HMG20A: variants seen among roughly 807,000 people sequenced by gnomAD.
HMG20A encodes the protein high mobility group protein 20A.
Under a neutral mutation model 43.9 loss-of-function variants are expected in HMG20A, and 17 were observed. That is an observed-to-expected ratio of 0.39 (90% CI 0.27 to 0.58). The LOEUF is 0.58. HMG20A is among the 20% of genes least tolerant of loss of function. HMG20A has a pLI of 0.59. For synonymous variants in HMG20A, 132 were observed against 147.5 expected (o/e 0.89, Z 0.76); for missense variants, 341 against 438.2 (o/e 0.78, Z 1.98).
At chr15:77,430,612 C>T (rs2073474564) in intron 1 of HMG20A, among the ~76,000 whole-genome samples, 1 of 152,156 alleles carries the variant, frequency 6.6e-6, no homozygotes, top group African/African-American at 2.4e-5. Context: ...AGCAGAGAAG[C>T]TGTTAGTTTT....
At chr15:77,424,530 C>G (rs1024253512) in intron 1 of HMG20A, among the ~76,000 whole-genome samples, 6 of 152,150 alleles carry the variant, frequency 3.9e-5, no homozygotes, top group Admixed American at 6.6e-5. Context: ...TGCCTGGTGC[C>G]AGAAGCTTCA....
chr15:77,471,053 C>A lies in HMG20A; in HGVS notation c.583+11C>A. Reference sequence around the variant, plus strand: ...AATCTCATAGGCAAGGTATCAAAACCAGAACCAAATGTATTTGTAGTTTGT... The same window carrying A: ...AATCTCATAGGCAAGGTATCAAAACAAGAACCAAATGTATTTGTAGTTTGT... On this transcript the variant is annotated intron_variant, in intron 5 of 9. Coordinates refer to ENST00000336216, the MANE Select transcript of HMG20A (RefSeq NM_001304504.2). 6.2e-7 allele frequency: 1 copy of A among 1,605,926 alleles called. No homozygotes were observed. The highest frequency in any genetic ancestry group is 1.1e-5 in the South Asian group (1 of 89,488).
At chr15:77,465,810 A>G (rs1436975771) in intron 3 of HMG20A, among the ~76,000 whole-genome samples, 2 of 152,370 alleles carry the variant, frequency 1.3e-5, no homozygotes, top group South Asian at 2.1e-4. Context: ...GAGTACTACA[A>G]TTAGTATTTA....
intron 2 of HMG20A, among the ~76,000 whole-genome samples, chr15:77,463,804 C>T (rs114679725): frequency 4.5e-4 from 69 of 152,330 alleles, no homozygotes; most frequent in African/African-American, 1.6e-3. Flanking sequence ...ATTTTTCTTA[C>T]ACCCTTTAAG....
chr15:77,490,895 C>T, the HMG20A span, among the ~76,000 whole-genome samples: 8 of 152,198 alleles, frequency 5.3e-5, no homozygotes, highest in Admixed American at 1.3e-4. Context: ...TCTGTGGTTC[C>T]TTGAGATTCT....
At chr15:77,472,329 C>T (rs2072816938) in intron 6 of HMG20A, among the ~76,000 whole-genome samples, 1 of 152,200 alleles carries the variant, frequency 6.6e-6, no homozygotes, top group African/African-American at 2.4e-5. Flanking sequence ...GGCTGGAGTG[C>T]AGTGGCACAA....
At chr15:77,428,954 C>G (rs2073454805) in intron 1 of HMG20A, among the ~76,000 whole-genome samples, 1 of 147,540 alleles carries the variant, frequency 6.8e-6, no homozygotes, top group Admixed American at 6.8e-5. Context: ...CAGAGCAAGA[C>G]TCTGTCTCAA....
At chr15:77,509,193 G>A in the HMG20A span, among the ~76,000 whole-genome samples, 4 of 152,140 alleles carry the variant, frequency 2.6e-5, no homozygotes, top group South Asian at 6.2e-4. Flanking sequence ...GGAGTCAAGG[G>A]ATGGCAGTCC....
the HMG20A span, among the ~76,000 whole-genome samples, chr15:77,506,044 AC>A: frequency 5.7e-3 from 649 of 113,954 alleles, 7 homozygotes; most frequent in African/African-American, 0.021. Context: ...TAGGATTTCT[AC>A]CCCCCCACCT....
intron 4 of HMG20A, 131 bp from the exon 5 acceptor site, chr15:77,470,779 T>G: frequency 1.4e-6 from 1 of 722,248 alleles, no homozygotes; most frequent in Non-Finnish European, 2.1e-6. Context: ...TTTCTGATTC[T>G]TTTTTAAGGC....
At chr15:77,517,869 T>C in the HMG20A span, among the ~76,000 whole-genome samples, 1 of 152,064 alleles carries the variant, frequency 6.6e-6, no homozygotes, top group Non-Finnish European at 1.5e-5. Flanking sequence ...TCACTTACTA[T>C]GTGGATAATT....
Position 77,479,201 on chromosome 15 carries a change from G to A in HMG20A, c.930G>A (p.Val310=), listed in dbSNP as rs1168566264. The change falls in exon 9 of 10, where the codon GTG becomes GTA. Residue 310 remains valine, a synonymous_variant. Coordinates refer to ENST00000336216, the MANE Select transcript of HMG20A (RefSeq NM_001304504.2). The part of the protein sequence containing the change: ...PLPGSGETPT[V]DTIDSYMNRL... ...CAGGAAGTGGAGAGACACCTACAGT[G>A]GACACCATTGACTCATATATGAACA... The A allele has an allele frequency of 6.2e-7, 1 of 1,613,536 alleles. No individual in the cohort carries two copies. The highest frequency in any genetic ancestry group is 2.2e-5 in the East Asian group (1 of 44,878).
the HMG20A span, among the ~76,000 whole-genome samples, chr15:77,517,366 G>A: frequency 6.6e-6 from 1 of 152,082 alleles, no homozygotes; most frequent in Non-Finnish European, 1.5e-5. Context: ...GGTATTTACT[G>A]AATGCTTGTT....
intron 6 of HMG20A, among the ~76,000 whole-genome samples, chr15:77,474,788 C>A (rs140854210): frequency 6.6e-6 from 1 of 152,176 alleles, no homozygotes; most frequent in African/African-American, 2.4e-5. Flanking sequence ...AGAGCATTTC[C>A]CAAAGTAAAA....
intron 1 of HMG20A, among the ~76,000 whole-genome samples, chr15:77,450,651 A>G (rs2073726620): frequency 1.3e-5 from 2 of 152,236 alleles, no homozygotes; most frequent in Admixed American, 6.5e-5. Context: ...CAATGAAAAA[A>G]TAATGTGTTC....
At chr15:77,442,256 A>T (rs898227847) in intron 1 of HMG20A, among the ~76,000 whole-genome samples, 4 of 152,168 alleles carry the variant, frequency 2.6e-5, no homozygotes, top group Non-Finnish European at 5.9e-5. Flanking sequence ...ACTTATCTGG[A>T]AAGTTAATAG....
intron 1 of HMG20A, among the ~76,000 whole-genome samples, chr15:77,428,688 G>A (rs1307774862): frequency 6.6e-6 from 1 of 152,160 alleles, no homozygotes; most frequent in Non-Finnish European, 1.5e-5. Flanking sequence ...TGGACTCTAG[G>A]CTGGGTGTGG....
At chr15:77,451,854 A>G (rs903882569) in intron 1 of HMG20A, among the ~76,000 whole-genome samples, 9 of 152,354 alleles carry the variant, frequency 5.9e-5, no homozygotes, top group Admixed American at 3.9e-4. Flanking sequence ...TAAAGATTCA[A>G]TACTTAGACA....
the HMG20A span, among the ~76,000 whole-genome samples, chr15:77,499,736 C>T: frequency 6.6e-6 from 1 of 152,134 alleles, no homozygotes; most frequent in Non-Finnish European, 1.5e-5. Context: ...TCTCATTTGT[C>T]CCCCTCTTAA....
Sources: allele counts gnomAD v4.1 joint callset (sites outside exome capture counted in the v4.1 genomes callset), GRCh38; gene constraint gnomAD v4.1.1; transcripts MANE v1.5; gene names NCBI Gene and HGNC (gene_info 2026-07-23, HGNC 2026-07-21).